ACSS3: variants seen among roughly 807,000 people sequenced by gnomAD.
The protein encoded by ACSS3 is acyl-CoA synthetase short-chain family member 3, mitochondrial.
ACSS3 carries 64 observed loss-of-function variants against 84.2 expected under a neutral mutation model. The observed-to-expected ratio is 0.76, with a 90% CI of 0.62 to 0.94. ACSS3 has a LOEUF of 0.94. ACSS3 is among the 40% of genes least tolerant of loss of function. The pLI is 0.00. For synonymous variants in ACSS3, 317 were observed against 310.1 expected, an observed-to-expected ratio of 1.02 and a Z score of -0.23; for missense variants, 815 against 867.6, an observed-to-expected ratio of 0.94 and a Z score of 0.76.
rs545677266 is a variant in ACSS3 at position 81,107,436 on chromosome 12, T to C, written c.312-2124T>C. On this transcript the variant is annotated intron_variant, in intron 1 of 15. Coordinates refer to ENST00000548058, the MANE Select transcript of ACSS3 (RefSeq NM_024560.4). ...TAGATAAAGGAAAAGAGAATAATGA[T>C]ATTATCAAGAAATATTCTAGCAAGT... 4.9e-5 allele frequency among the ~76,000 whole-genome samples: 7 copies of C among 143,540 alleles called. No individual in the cohort carries two copies. The East Asian group carries it at 1.2e-3, about 25-fold the overall frequency. The allele number at this position is 143,540 out of a possible 152,430, so 94.2% of individuals were successfully genotyped here.
intron 11 of ACSS3, among the ~76,000 whole-genome samples, chr12:81,226,954 C>G (rs2033293071): frequency 6.8e-6 from 1 of 147,862 alleles, no homozygotes; most frequent in Non-Finnish European, 1.5e-5. Flanking sequence ...GAAATAGAAC[C>G]AATAGGATTT....
chr12:81,106,442 T>A (rs1189406293), intron 1 of ACSS3, among the ~76,000 whole-genome samples: 1 of 152,160 alleles, frequency 6.6e-6, no homozygotes, highest in African/African-American at 2.4e-5. Flanking sequence ...GTTGTATAAT[T>A]ATTTCATTAT....
intron 15 of ACSS3, among the ~76,000 whole-genome samples, chr12:81,254,144 G>T (rs2034236509): frequency 6.6e-6 from 1 of 151,966 alleles, no homozygotes; most frequent in Non-Finnish European, 1.5e-5. Context: ...TGCCCAGGGT[G>T]GTCTTGAATT....
intron 2 of ACSS3, among the ~76,000 whole-genome samples, chr12:81,112,284 A>G (rs1361713391): frequency 6.6e-6 from 1 of 152,228 alleles, no homozygotes; most frequent in African/African-American, 2.4e-5. Flanking sequence ...ATATTGTAAA[A>G]ACATTACCTA....
At chr12:81,177,668 C>T (rs1424414773) in intron 8 of ACSS3, among the ~76,000 whole-genome samples, 1 of 152,182 alleles carries the variant, frequency 6.6e-6, no homozygotes, top group African/African-American at 2.4e-5. Context: ...TGAACAGACA[C>T]ATCTCCAAAG....
rs1381294080 is a variant in ACSS3, at chr12:81,241,021, T to A, written c.1719+7550T>A. ...CCCACAACAGTCCCCATGTGTGATGTTCCCCTTCCTGCATCCATGTGTTCT... is the reference window on the plus strand; with the variant it reads ...CCCACAACAGTCCCCATGTGTGATGATCCCCTTCCTGCATCCATGTGTTCT... On this transcript the variant is annotated intron_variant, in intron 13 of 15. Transcript: ENST00000548058. Among the ~76,000 whole-genome samples, 10 of 126,366 alleles carry A rather than the reference T, an allele frequency of 7.9e-5. No homozygotes were observed. In the Admixed American group the frequency reaches 8.6e-4, roughly 11 times the overall value. The allele number at this position is 126,366 out of a possible 152,430, so 82.9% of individuals were successfully genotyped here.
chr12:81,145,604 A>C (rs150241941), intron 5 of ACSS3, among the ~76,000 whole-genome samples: 1 of 152,220 alleles, frequency 6.6e-6, no homozygotes, highest in African/African-American at 2.4e-5. Context: ...ATAGGACAGC[A>C]TGCTTAACAG....
At chr12:81,100,219 T>TTG (rs776495720) in intron 1 of ACSS3, among the ~76,000 whole-genome samples, 2 of 113,068 alleles carry the variant, frequency 1.8e-5, no homozygotes, top group Admixed American at 8.1e-5. Flanking sequence ...ATTACCAGTT[T>TTG]TTTTTTTTTT....
At chr12:81,233,205 G>A in intron 12 of ACSS3, 144 bp from the exon 13 acceptor site, 1 of 785,406 alleles carries the variant, frequency 1.3e-6, no homozygotes, top group Non-Finnish European at 2.0e-6. Flanking sequence ...ATAAAAAGTA[G>A]TGTAATTTCC....
At chr12:81,131,650 C>T (rs1450321253) in intron 2 of ACSS3, among the ~76,000 whole-genome samples, 2 of 152,200 alleles carry the variant, frequency 1.3e-5, no homozygotes, top group Non-Finnish European at 2.9e-5. Flanking sequence ...CTGGCCAGAA[C>T]TTCCAACACT....
In ACSS3 at chr12:81,255,505, C is replaced by G. The variant is rs1436907862; in HGVS notation, c.*583C>G. On this transcript the variant is annotated 3_prime_UTR_variant, in exon 16 of 16. Coordinates refer to ENST00000548058, the MANE Select transcript of ACSS3 (RefSeq NM_024560.4). ...CAGAACACCGGGGTTATAGCTATAC[C>G]TTCAGGTCTTTTGTTACTTAGGCAA... The G allele has an allele frequency of 7.7e-6, 1 of 129,492 alleles. No homozygotes were observed. The highest frequency in any genetic ancestry group is 2.6e-5 in the African/African-American group (1 of 38,140). The allele number at this position is 129,492 out of a possible 1,614,324, so 8.0% of individuals were successfully genotyped here. A position where few individuals can be genotyped will look rare whatever the true frequency, so the allele number is the denominator to read the frequency against.
At chr12:81,181,746 G>GAAAA (rs1565708345) in intron 8 of ACSS3, among the ~76,000 whole-genome samples, 2 of 7,210 alleles carry the variant, frequency 2.8e-4, no homozygotes, top group African/African-American at 1.1e-3. Flanking sequence ...AATCAATTAA[G>GAAAA]CAAAAAAAAA....
At chr12:81,120,188 G>A (rs1036885879) in intron 2 of ACSS3, among the ~76,000 whole-genome samples, 1 of 152,174 alleles carries the variant, frequency 6.6e-6, no homozygotes, top group Non-Finnish European at 1.5e-5. Context: ...TGCACCCTGA[G>A]AACAAAACCA....
chr12:81,079,146 T>A (rs1880811675), intron 1 of ACSS3, among the ~76,000 whole-genome samples: 1 of 152,106 alleles, frequency 6.6e-6, no homozygotes, highest in East Asian at 1.9e-4. Context: ...ATAGGCCAGG[T>A]GATGTTAGAA....
At chr12:81,204,190 T>A (rs1426731265) in intron 9 of ACSS3, among the ~76,000 whole-genome samples, 1 of 151,942 alleles carries the variant, frequency 6.6e-6, no homozygotes, top group African/African-American at 2.4e-5. Flanking sequence ...TATGAGTAAA[T>A]GAGCTAGTAC....
At chr12:81,101,618 C>T (rs556445902) in intron 1 of ACSS3, among the ~76,000 whole-genome samples, 92 of 152,120 alleles carry the variant, frequency 6.0e-4, no homozygotes, top group Non-Finnish European at 1.0e-3. Flanking sequence ...ATTCCTTTAA[C>T]GATGCATAAT....
In ACSS3 at chr12:81,257,277, ATGT is replaced by A. The variant is rs1237185912; in HGVS notation, c.*2360_*2362del. ...CACTGGGGAATTGCAAGATCAAAGA[ATGT>A]TGTTACTTTTATGTGATGAAAAAAT... is the stretch of plus-strand genomic sequence containing the variant. On this transcript the variant is annotated 3_prime_UTR_variant, in exon 16 of 16. Transcript: ENST00000548058. The A allele has an allele frequency of 5.3e-5, 8 of 152,292 alleles. No individual in the cohort carries two copies. The highest frequency in any genetic ancestry group is 1.3e-4 in the Admixed American group (2 of 15,274). 9.4% of individuals were successfully genotyped at this position (152,292 alleles called of 1,614,324 possible).
intron 9 of ACSS3, among the ~76,000 whole-genome samples, chr12:81,209,705 G>A (rs578095873): frequency 9.2e-5 from 14 of 152,264 alleles, no homozygotes; most frequent in East Asian, 3.9e-4. Flanking sequence ...AGAGCAGCCC[G>A]AACGGCTACT....
chr12:81,243,554 C>A (rs1004528100), intron 13 of ACSS3, among the ~76,000 whole-genome samples: 3 of 152,272 alleles, frequency 2.0e-5, no homozygotes, highest in African/African-American at 7.2e-5. Context: ...ATCGTCAAGT[C>A]AATCCTAAGC....
Sources: allele counts gnomAD v4.1 joint callset (sites outside exome capture counted in the v4.1 genomes callset), GRCh38; gene constraint gnomAD v4.1.1; transcripts MANE v1.5; gene names NCBI Gene and HGNC (gene_info 2026-07-23, HGNC 2026-07-21).